The following DNAI7 variants were observed in gnomAD, a reference collection of about 807,000 sequenced individuals.
The protein encoded by DNAI7 is dynein axonemal intermediate chain 7, also known as cancer susceptibility 1.
DNAI7 carries 78 observed loss-of-function variants against 86.6 expected under a neutral mutation model. That is an observed-to-expected ratio of 0.90 (90% CI 0.75 to 1.09). The LOEUF is 1.09. DNAI7 is among the 50% of genes least tolerant of loss of function. DNAI7 has a pLI of 0.00. For synonymous variants in DNAI7, 274 were observed against 273.0 expected (o/e 1.00, Z -0.04); for missense variants, 753 against 810.2 (o/e 0.93, Z 0.86).
chr12:25,172,964 A>G (rs974971024), intron 2 of DNAI7, among the ~76,000 whole-genome samples: 2 of 152,240 alleles, frequency 1.3e-5, no homozygotes, highest in African/African-American at 4.8e-5. Context: ...AAGATGGATT[A>G]AGGGCTTAGA....
chr12:25,141,549 G>A (rs1286233335), intron 9 of DNAI7, among the ~76,000 whole-genome samples: 1 of 152,194 alleles, frequency 6.6e-6, no homozygotes, highest in African/African-American at 2.4e-5. Flanking sequence ...GGCCATAATT[G>A]GCACGGTGCA....
chr12:25,190,683 CA>C, intron 1 of DNAI7, 52 bp from the exon 2 acceptor site: 4 of 1,058,518 alleles, frequency 3.8e-6, no homozygotes, highest in African/African-American at 1.6e-5. Context: ...AATTCTGATA[CA>C]AAAGTATCAT....
At chr12:25,180,678 A>G (rs1949411304) in intron 2 of DNAI7, among the ~76,000 whole-genome samples, 1 of 152,160 alleles carries the variant, frequency 6.6e-6, no homozygotes, top group Admixed American at 6.5e-5. Context: ...TAAACAAACA[A>G]TGGGGAAAGG....
At chr12:25,184,985 A>C (rs1949904383) in intron 2 of DNAI7, among the ~76,000 whole-genome samples, 1 of 147,802 alleles carries the variant, frequency 6.8e-6, no homozygotes, top group Non-Finnish European at 1.5e-5. Context: ...AAAAAAAAAG[A>C]AAGAAAAAGA....
intron 9 of DNAI7, among the ~76,000 whole-genome samples, chr12:25,136,766 A>T (rs1592334859): frequency 6.9e-6 from 1 of 145,614 alleles, no homozygotes; most frequent in South Asian, 2.1e-4. Context: ...AATGCAAAAT[A>T]CACTGGGAAG....
intron 12 of DNAI7, among the ~76,000 whole-genome samples, chr12:25,116,520 T>TTCAGA (rs1555153744): frequency 4.0e-5 from 6 of 151,616 alleles, no homozygotes; most frequent in South Asian, 2.1e-4. Flanking sequence ...ATTTTTTTTT[T>TTCAGA]CAGAGTTTCA....
intron 15 of DNAI7, 140 bp from the exon 16 acceptor site, chr12:25,108,963 C>G: frequency 1.8e-6 from 1 of 556,524 alleles, no homozygotes; most frequent in Non-Finnish European, 3.1e-6. Flanking sequence ...TGTTCCATTA[C>G]TGGGTTTTGA....
At chr12:25,158,903 A>T (rs1209872702) in intron 3 of DNAI7, among the ~76,000 whole-genome samples, 1 of 152,218 alleles carries the variant, frequency 6.6e-6, no homozygotes, top group African/African-American at 2.4e-5. Flanking sequence ...ACCATCTCAC[A>T]CCAGTTAGAA....
rs141300664 is a variant in DNAI7 at position 25,128,913 on chromosome 12, C to G, written c.1003-5627G>C. Among the ~76,000 whole-genome samples the G allele has an allele frequency of 4.3e-3, 647 of 152,220 alleles. 2 individuals are homozygous for G. Among genetic ancestry groups the G allele is most frequent in the Non-Finnish European group, 5.8e-3 (392 of 68,008 alleles). Reference sequence around the variant, plus strand: ...TCACATCATGTCACACTCCTACTTACCACCCTCTAATGGCTCCCCACTACA... The same window carrying G: ...TCACATCATGTCACACTCCTACTTAGCACCCTCTAATGGCTCCCCACTACA... On this transcript the variant is annotated intron_variant, in intron 9 of 15. Coordinates refer to ENST00000395987, the MANE Select transcript of DNAI7 (RefSeq NM_018272.5).
At chr12:25,142,806 C>A (rs80140005) in intron 9 of DNAI7, among the ~76,000 whole-genome samples, 8,953 of 152,220 alleles carry the variant, frequency 0.059, 361 homozygotes, top group Non-Finnish European at 0.089. Flanking sequence ...AAGTCCAAGA[C>A]CTATTTACCC....
At chr12:25,126,437 T>G (rs1389424845) in intron 9 of DNAI7, among the ~76,000 whole-genome samples, 1 of 151,996 alleles carries the variant, frequency 6.6e-6, no homozygotes, top group Non-Finnish European at 1.5e-5. Context: ...GTAGACAAGA[T>G]CAGGACCTAC....
intron 2 of DNAI7, among the ~76,000 whole-genome samples, chr12:25,185,389 T>C (rs1674469489): frequency 6.6e-6 from 1 of 152,232 alleles, no homozygotes; most frequent in South Asian, 2.1e-4. Flanking sequence ...AAAATATTAT[T>C]TCTGATAATT....
chr12:25,112,399 G>GTTT (rs10602859), intron 13 of DNAI7, among the ~76,000 whole-genome samples: 1,053 of 104,160 alleles, frequency 0.01, 17 homozygotes, highest in Middle Eastern at 0.017. Flanking sequence ...TTCACATCTG[G>GTTT]TTTTTTTTTT....
chr12:25,142,518 C>G (rs972073226), intron 9 of DNAI7, among the ~76,000 whole-genome samples: 2 of 120,912 alleles, frequency 1.7e-5, no homozygotes, highest in Non-Finnish European at 3.7e-5. Context: ...AAACTACTGC[C>G]AAAATTAACA....
chr12:25,108,416 A>C lies in DNAI7; in HGVS notation c.*132T>G. ...TGTTTTTAAAATAAAACTTGAGTAGAAAATGCAGATTAGAAAATTTTTAAT... is the reference window on the plus strand; with the variant it reads ...TGTTTTTAAAATAAAACTTGAGTAGCAAATGCAGATTAGAAAATTTTTAAT... On this transcript the variant is annotated 3_prime_UTR_variant, in exon 16 of 16. Coordinates refer to ENST00000395987, the MANE Select transcript of DNAI7 (RefSeq NM_018272.5). The C allele has an allele frequency of 1.3e-6, 1 of 783,588 alleles. No individual in the cohort carries two copies. The highest frequency in any genetic ancestry group is 2.7e-5 in the South Asian group (1 of 37,542). 48.5% of individuals were successfully genotyped at this position (783,588 alleles called of 1,614,324 possible). A position where few individuals can be genotyped will look rare whatever the true frequency, so the allele number is the denominator to read the frequency against.
At chr12:25,181,698 C>T (rs77244621) in intron 2 of DNAI7, among the ~76,000 whole-genome samples, 2,319 of 151,952 alleles carry the variant, frequency 0.015, 52 homozygotes, top group African/African-American at 0.053. Flanking sequence ...AAAAAAGCCC[C>T]ATTAAAAAGT....
chr12:25,171,557 T>C (rs1465418798), intron 2 of DNAI7, among the ~76,000 whole-genome samples: 3 of 152,126 alleles, frequency 2.0e-5, no homozygotes, highest in Non-Finnish European at 4.4e-5. Context: ...GAAGAATTGG[T>C]ACCAATTCTA....
Position 25,159,410 on chromosome 12 carries a change from A to G in DNAI7, c.107-847T>C, listed in dbSNP as rs77361041. On this transcript the variant is annotated intron_variant, in intron 3 of 15. Transcript: ENST00000395987. The stretch of plus-strand genomic sequence containing the variant: ...AATGTGTCAAAATAAAGGTTGAGAC[A>G]AATTCCCATTTCCCAAAAAAAAAGA... Among the ~76,000 whole-genome samples the G allele has an allele frequency of 7.5e-3, 1,145 of 152,198 alleles. 13 individuals are homozygous for G. Among genetic ancestry groups the G allele is most frequent in the Non-Finnish European group, 0.01 (681 of 67,992 alleles).
At chr12:25,139,478 C>T (rs193176115) in intron 9 of DNAI7, among the ~76,000 whole-genome samples, 12 of 152,166 alleles carry the variant, frequency 7.9e-5, no homozygotes, top group Non-Finnish European at 1.3e-4. Flanking sequence ...ATTAGCTAAC[C>T]GAATCCAACA....
Sources: gnomAD v4.1 joint callset for allele counts (sites outside exome capture counted in the v4.1 genomes callset) on GRCh38, gnomAD v4.1.1 for gene constraint, MANE v1.5 for transcripts, NCBI Gene and HGNC (gene_info 2026-07-23, HGNC 2026-07-21) for gene names.